The following SMC2 variants were observed in gnomAD, a reference collection of about 807,000 sequenced individuals.
SMC2 encodes structural maintenance of chromosomes protein 2.
In SMC2, 41 loss-of-function variants were observed where a neutral mutation model predicts 142.6. The observed-to-expected ratio is 0.29, with a 90% CI of 0.22 to 0.37. The LOEUF (loss-of-function observed/expected upper bound fraction) is 0.37, where lower values mean the gene tolerates loss of function less well. SMC2 is among the 10% of genes least tolerant of loss of function. The pLI is 1.00. For missense variants in SMC2, 1,265 were observed against 1,373.7 expected, an observed-to-expected ratio of 0.92 and a Z score of 1.25; for synonymous variants, 463 against 457.5, an observed-to-expected ratio of 1.01 and a Z score of -0.15.
chr9:104,134,666 C>G (rs1835346947), intron 23 of SMC2, 91 bp downstream of exon 23: 8 of 875,314 alleles, frequency 9.1e-6, no homozygotes, highest in Non-Finnish European at 1.3e-5. Flanking sequence ...TTTTAACTAC[C>G]TTTGCATGTA....
At chr9:104,129,440 T>C (rs1186611081) in intron 20 of SMC2, among the ~76,000 whole-genome samples, 1 of 150,968 alleles carries the variant, frequency 6.6e-6, no homozygotes, top group Non-Finnish European at 1.5e-5. Flanking sequence ...AGGTGTAAGT[T>C]GCGGTCAGCC....
Position 104,129,803 on chromosome 9 carries a change from C to T in SMC2, c.2949C>T (p.Val983=), listed in dbSNP as rs751737631. ...TGAAGGAGAAACTAGGAAGAAATGT[C>T]AATATGAGAGCTATGAATGTATTGA... ...QEMKEKLGRN[V]NMRAMNVLTE... The change falls in exon 21 of 25, where the codon GTC becomes GTT. Residue 983 remains valine, a synonymous_variant. Coordinates refer to ENST00000374793, the MANE Select transcript of SMC2 (RefSeq NM_006444.3). The T allele has an allele frequency of 6.2e-7, 1 of 1,613,702 alleles. No homozygotes were observed. Among genetic ancestry groups the T allele is most frequent in the Admixed American group, 1.7e-5 (1 of 60,002 alleles).
At chr9:104,108,444 C>A (rs1832061627) in intron 9 of SMC2, among the ~76,000 whole-genome samples, 1 of 152,190 alleles carries the variant, frequency 6.6e-6, no homozygotes, top group African/African-American at 2.4e-5. Flanking sequence ...AGTGAGCCTC[C>A]TTTTCTATGA....
chr9:104,113,518 T>G (rs765749568), intron 11 of SMC2, 43 bp downstream of exon 11: 1 of 1,426,934 alleles, frequency 7.0e-7, no homozygotes, highest in South Asian at 1.4e-5. Context: ...GAGGAGGTAG[T>G]GATTTTTGAT....
chr9:104,125,620 T>C (rs1013734748), intron 18 of SMC2, among the ~76,000 whole-genome samples: 4 of 152,220 alleles, frequency 2.6e-5, no homozygotes, highest in African/African-American at 4.8e-5. Context: ...TTATTTGATA[T>C]TCTGGATGTC....
At chr9:104,124,199 T>A (rs767246588) in intron 17 of SMC2, among the ~76,000 whole-genome samples, 2 of 152,032 alleles carry the variant, frequency 1.3e-5, no homozygotes, top group Non-Finnish European at 2.9e-5. Flanking sequence ...TCAGGTGCCT[T>A]CCTCAGCCTC....
chr9:104,097,258 G>A (rs780946218), intron 3 of SMC2, among the ~76,000 whole-genome samples: 5 of 147,866 alleles, frequency 3.4e-5, no homozygotes, highest in Non-Finnish European at 5.9e-5. Flanking sequence ...CACCACACCC[G>A]GCTAATTTTT....
At chr9:104,106,318 G>A (rs1054939065) in intron 9 of SMC2, among the ~76,000 whole-genome samples, 3 of 152,198 alleles carry the variant, frequency 2.0e-5, no homozygotes, top group Non-Finnish European at 1.5e-5. Context: ...GTCCACATGA[G>A]TGACATATAT....
At chr9:104,101,694 C>A (rs1275387612) in intron 7 of SMC2, among the ~76,000 whole-genome samples, 2 of 152,058 alleles carry the variant, frequency 1.3e-5, no homozygotes, top group South Asian at 2.1e-4. Context: ...GCTTATGAAC[C>A]TTATGTCCAT....
At chr9:104,089,913 T>C (rs1829965243), upstream of SMC2, among the ~76,000 whole-genome samples, 1 of 152,076 alleles carries the variant, frequency 6.6e-6, no homozygotes, top group African/African-American at 2.4e-5. Flanking sequence ...CCCAAAGTGC[T>C]GGGATTACAG....
chr9:104,137,976 T>C (rs1423965185), intron 23 of SMC2, 42 bp from the exon 24 acceptor site: 1 of 1,470,212 alleles, frequency 6.8e-7, no homozygotes, highest in Non-Finnish European at 9.1e-7. Context: ...TGATAAGTGA[T>C]AAAATCAAAT....
chr9:104,105,380 C>T (rs137976709), intron 9 of SMC2, among the ~76,000 whole-genome samples: 7 of 152,170 alleles, frequency 4.6e-5, no homozygotes, highest in South Asian at 2.1e-4. Flanking sequence ...GTCACTCCTA[C>T]GCTGCCCATG....
chr9:104,137,807 G>A (rs1432848206), intron 23 of SMC2, among the ~76,000 whole-genome samples: 14 of 147,624 alleles, frequency 9.5e-5, no homozygotes, highest in Admixed American at 7.9e-4. Context: ...GCATGCTTCC[G>A]AAAAGAGGAG....
rs1474818592 is a variant in SMC2, at chr9:104,111,722, T to C, written c.1162T>C (p.Ser388Pro). 1 of 1,614,062 alleles carries C rather than the reference T, an allele frequency of 6.2e-7. No individual in the cohort carries two copies. The highest frequency in any genetic ancestry group is 2.2e-5 in the East Asian group (1 of 44,876). The change falls in exon 10 of 25, where the codon TCC becomes CCC. Residue 388 changes from serine to proline, a missense_variant. By Grantham distance (74) the Ser-to-Pro change is moderately conservative. Transcript: ENST00000374793. ...CTTCAATGCTGTTTCCGCTGGCCTG[T>C]CCAGTAATGAAGATGGAGCAGAAGC... ...QHFNAVSAGL[S>P]SNEDGAEATL...
rs765008229 is a variant in SMC2 at position 104,102,529 on chromosome 9, T to G, written c.976T>G (p.Cys326Gly). The change falls in exon 9 of 25, where the codon TGT becomes GGT. Residue 326 changes from cysteine (C) to glycine (G), a missense_variant. Cys to Gly is a radical substitution (Grantham distance 159). This residue lies in a region of SMC2 where 898 missense variants were observed against 904.2 expected (regional missense o/e 0.99). Coordinates refer to ENST00000374793, the MANE Select transcript of SMC2 (RefSeq NM_006444.3). ...TGATCTCAAGAAGAAAAATCTGGCA[T>G]GTGAGGAAAGCAAACGCAAAGAGCT... is the stretch of plus-strand genomic sequence containing the variant. ...AFDLKKKNLA[C>G]EESKRKELEK... The G allele has an allele frequency of 8.7e-6, 14 of 1,613,660 alleles. No homozygotes were observed. The South Asian group carries it at 1.2e-4, about 14-fold the overall frequency.
chr9:104,100,969 T>C (rs1326758128), intron 7 of SMC2, among the ~76,000 whole-genome samples: 1 of 152,184 alleles, frequency 6.6e-6, no homozygotes, highest in Non-Finnish European at 1.5e-5. Flanking sequence ...GAGACTAGTC[T>C]CACTGTCGCC....
At chr9:104,120,261 C>T (rs1328246616) in intron 16 of SMC2, 99 bp downstream of exon 16, 3 of 1,147,490 alleles carry the variant, frequency 2.6e-6, no homozygotes, top group Non-Finnish European at 3.6e-6. Context: ...TGACTTTTCT[C>T]ATATTTTTGG....
chr9:104,101,074 A>G (rs191551344), intron 7 of SMC2, among the ~76,000 whole-genome samples: 58 of 152,120 alleles, frequency 3.8e-4, no homozygotes, highest in Non-Finnish European at 6.0e-4. Flanking sequence ...AGTAGCTGGG[A>G]CTACAGGTGC....
chr9:104,091,470 A>C (rs1247476955), upstream of SMC2, among the ~76,000 whole-genome samples: 1 of 152,194 alleles, frequency 6.6e-6, no homozygotes, highest in Non-Finnish European at 1.5e-5. Flanking sequence ...TATGTGGTGC[A>C]CGAGTGTATT....
Sources: allele counts gnomAD v4.1 joint callset (sites outside exome capture counted in the v4.1 genomes callset), GRCh38; gene constraint gnomAD v4.1.1; regional missense constraint gnomAD v4.1.1; transcripts MANE v1.5; gene names NCBI Gene and HGNC (gene_info 2026-07-23, HGNC 2026-07-21).